The following SLC38A4 variants were observed in gnomAD, a reference collection of about 807,000 sequenced individuals.
SLC38A4 encodes solute carrier family 38 member 4, also known as sodium-coupled neutral amino acid transporter 4.
A neutral mutation model predicts 63.1 loss-of-function variants in SLC38A4; 20 were observed. That is an observed-to-expected ratio of 0.32 (90% CI 0.22 to 0.46). The LOEUF (loss-of-function observed/expected upper bound fraction) is 0.46. Ranked by LOEUF, SLC38A4 falls within the 20% of genes least tolerant of loss-of-function variation. The pLI is 1.00. For synonymous variants in SLC38A4, 230 were observed against 225.5 expected (o/e 1.02, Z -0.18); for missense variants, 526 against 663.6 (o/e 0.79, Z 2.28).
intron 3 of SLC38A4, among the ~76,000 whole-genome samples, chr12:46,792,586 T>C (rs1477936267): frequency 6.6e-6 from 1 of 152,082 alleles, no homozygotes; most frequent in Non-Finnish European, 1.5e-5. Context: ...GAGGCCATAG[T>C]AGTTGTGAGT....
At chr12:46,795,966 A>T (rs1029856050) in intron 2 of SLC38A4, among the ~76,000 whole-genome samples, 1 of 152,114 alleles carries the variant, frequency 6.6e-6, no homozygotes, top group African/African-American at 2.4e-5. Flanking sequence ...ATTTTCTAAA[A>T]ATAAAAAAAG....
intron 2 of SLC38A4, among the ~76,000 whole-genome samples, chr12:46,794,952 TAA>T: frequency 6.6e-6 from 1 of 151,240 alleles, no homozygotes; most frequent in East Asian, 2.0e-4. Context: ...GGTTAAAAGC[TAA>T]GAGAGAATAG....
chr12:46,825,825 T>A (rs1408373986), intron 1 of SLC38A4, 78 bp downstream of exon 1: 2 of 152,388 alleles, frequency 1.3e-5, no homozygotes, highest in African/African-American at 4.8e-5. Context: ...TGTCTTTTTC[T>A]CTTTCCCCTT....
chr12:46,793,213 T>C lies in SLC38A4; in HGVS notation c.-112-30A>G, dbSNP rs572805645. On this transcript the variant is annotated intron_variant, in intron 2 of 16. Coordinates refer to ENST00000266579, the MANE Select transcript of SLC38A4 (RefSeq NM_018018.5). ...AAACAGAACACAACATACATCATTA[T>C]AATTTTATTTAAATGAAATAAGTGA... The C allele has an allele frequency of 1.8e-5, 9 of 509,856 alleles. No homozygotes were observed. In the South Asian group the frequency reaches 2.8e-4, roughly 16 times the overall value. The allele number at this position is 509,856 out of a possible 1,614,324, so 31.6% of individuals were successfully genotyped here. A position where few individuals can be genotyped will look rare whatever the true frequency, so the allele number is the denominator to read the frequency against.
rs531524019 is a variant in SLC38A4, at chr12:46,764,898, A to C, written c.*1803T>G. The stretch of plus-strand genomic sequence containing the variant: ...TCTGTTTACAAATGGGGTTAAATTA[A>C]TCAGCACAAGCTATCATATGTATGT... On this transcript the variant is annotated 3_prime_UTR_variant, in exon 17 of 17. Coordinates refer to ENST00000266579, the MANE Select transcript of SLC38A4 (RefSeq NM_018018.5). 4 of 152,740 alleles carry C rather than the reference A, an allele frequency of 2.6e-5. No homozygotes were observed. The South Asian group carries it at 8.3e-4, about 32-fold the overall frequency. 9.5% of individuals were successfully genotyped at this position (152,740 alleles called of 1,614,324 possible). A position where few individuals can be genotyped will look rare whatever the true frequency, so the allele number is the denominator to read the frequency against.
chr12:46,826,436 C>T (rs1939656466), upstream of SLC38A4, among the ~76,000 whole-genome samples: 1 of 152,136 alleles, frequency 6.6e-6, no homozygotes, highest in Admixed American at 6.5e-5. Flanking sequence ...TAGTAGCAAT[C>T]CTATTTTATT....
intron 1 of SLC38A4, among the ~76,000 whole-genome samples, chr12:46,821,457 A>G (rs1939548880): frequency 6.6e-6 from 1 of 152,050 alleles, no homozygotes; most frequent in Non-Finnish European, 1.5e-5. Context: ...CTTGTTGAAG[A>G]TCAGTTGGCC....
rs769762395 is a variant in SLC38A4, at chr12:46,778,535, T to C, written c.959A>G (p.Lys320Arg). ...GVEYEAHSDD[K>R]CEPKYFVFNS... ...GAATACAAAGTATTTGGGTTCACAC[T>C]TGTCATCACTATGAGCTTCATATTC... Residue 320 changes from lysine (K) to arginine (R), a missense_variant, in exon 11 of 17, where the codon AAG becomes AGG. By Grantham distance (26) the Lys-to-Arg change is conservative (BLOSUM62 2). Transcript: ENST00000266579. The C allele has an allele frequency of 1.9e-6, 3 of 1,612,774 alleles. No individual in the cohort carries two copies. The highest frequency in any genetic ancestry group is 1.7e-5 in the Admixed American group (1 of 59,854).
intron 3 of SLC38A4, among the ~76,000 whole-genome samples, chr12:46,792,300 G>A (rs934730190): frequency 6.6e-6 from 1 of 152,036 alleles, no homozygotes; most frequent in African/African-American, 2.4e-5. Flanking sequence ...ACTGACCGTT[G>A]GCTATGTGGG....
intron 1 of SLC38A4, among the ~76,000 whole-genome samples, chr12:46,823,131 T>G (rs1451237733): frequency 6.6e-6 from 1 of 152,134 alleles, no homozygotes; most frequent in Non-Finnish European, 1.5e-5. Context: ...GTCAATATAT[T>G]TACATTTCTT....
intron 4 of SLC38A4, among the ~76,000 whole-genome samples, 188 bp downstream of exon 4, chr12:46,788,340 A>G (rs899225650): frequency 6.6e-6 from 1 of 152,210 alleles, no homozygotes; most frequent in South Asian, 2.1e-4. Context: ...CATAAGTTTC[A>G]TAAATGATTC....
intron 2 of SLC38A4, among the ~76,000 whole-genome samples, chr12:46,796,102 T>A (rs1266303500): frequency 6.6e-6 from 1 of 152,192 alleles, no homozygotes; most frequent in Non-Finnish European, 1.5e-5. Flanking sequence ...TTCATCTTAC[T>A]GCTCGATGTT....
chr12:46,824,364 G>A (rs1388348414), intron 1 of SLC38A4: 1 of 152,066 alleles, frequency 6.6e-6, no homozygotes, highest in Non-Finnish European at 1.5e-5. Flanking sequence ...AAATGAAGAT[G>A]GAGTGTATAC....
At chr12:46,820,249 G>A (rs768917498) in intron 1 of SLC38A4, among the ~76,000 whole-genome samples, 7 of 151,868 alleles carry the variant, frequency 4.6e-5, no homozygotes, top group Non-Finnish European at 8.8e-5. Context: ...CCTAACGATA[G>A]GCATTATGCT....
rs148554503 is a variant in SLC38A4 at position 46,813,599 on chromosome 12, T to C, written c.-304-9805A>G. On this transcript the variant is annotated intron_variant, in intron 1 of 16. Coordinates refer to ENST00000266579, the MANE Select transcript of SLC38A4 (RefSeq NM_018018.5). ...TGAGCTTAAGGGTTGCACTGTAACA[T>C]ATTTGTTTACATGCCTGCCCTTCTA... Among the ~76,000 whole-genome samples, 490 of 152,118 alleles carry C rather than the reference T, an allele frequency of 3.2e-3. 4 individuals carry two copies. The highest frequency in any genetic ancestry group is 0.011 in the African/African-American group (465 of 41,534).
intron 1 of SLC38A4, among the ~76,000 whole-genome samples, chr12:46,825,291 TAATTACTTTA>T (rs1939625286): frequency 8.8e-5 from 12 of 136,498 alleles, no homozygotes; most frequent in East Asian, 6.7e-4. Flanking sequence ...TGCAAATTTA[TAATTACTTTA>T]ATATACAAAG....
chr12:46,771,905 T>A (rs1938423662), intron 14 of SLC38A4, among the ~76,000 whole-genome samples: 1 of 151,960 alleles, frequency 6.6e-6, no homozygotes, highest in Non-Finnish European at 1.5e-5. Flanking sequence ...CCTGGAAATG[T>A]GGGTCAGATG....
intron 1 of SLC38A4, among the ~76,000 whole-genome samples, chr12:46,825,114 A>C (rs1411281911): frequency 6.6e-6 from 1 of 151,486 alleles, no homozygotes; most frequent in East Asian, 1.9e-4. Flanking sequence ...AACCAGGTGA[A>C]AGGTTTAGGT....
chr12:46,829,334 C>A (rs1169682408), upstream of SLC38A4, among the ~76,000 whole-genome samples: 1 of 151,872 alleles, frequency 6.6e-6, no homozygotes, highest in African/African-American at 2.4e-5. Flanking sequence ...TAGGTGGAAG[C>A]ACATTTTTTA....
Sources: allele counts gnomAD v4.1 joint callset (sites outside exome capture counted in the v4.1 genomes callset), GRCh38; gene constraint gnomAD v4.1.1; transcripts MANE v1.5; gene names NCBI Gene and HGNC (gene_info 2026-07-23, HGNC 2026-07-21).